Variants in SYN3 observed in about 807,000 individuals in gnomAD.
SYN3 encodes synapsin-3.
Under a neutral mutation model 65.8 loss-of-function variants are expected in SYN3, and 35 were observed. The ratio of observed to expected loss-of-function variants is 0.53; its 90% CI spans 0.41 to 0.70. SYN3 has a LOEUF of 0.70. Ranked by LOEUF, SYN3 falls within the 30% of genes least tolerant of loss-of-function variation. The pLI is 0.00. For missense variants in SYN3, 680 were observed against 749.0 expected (o/e 0.91, Z 1.08); for synonymous variants, 270 against 292.9 (o/e 0.92, Z 0.80).
At chr22:32,633,069 T>C (rs2059768000) in intron 6 of SYN3, among the ~76,000 whole-genome samples, 2 of 152,234 alleles carry the variant, frequency 1.3e-5, no homozygotes, top group South Asian at 4.1e-4. Context: ...ACTCTGAACC[T>C]TGGTTTCCTC....
At chr22:32,544,788 T>C (rs2058312539) in intron 7 of SYN3, among the ~76,000 whole-genome samples, 1 of 152,214 alleles carries the variant, frequency 6.6e-6, no homozygotes, top group Non-Finnish European at 1.5e-5. Context: ...CAGGGACGGC[T>C]TGTTTAACTC....
rs1008728263 is a variant in SYN3, at chr22:33,021,535, AGAAAGAAGAT to A, written c.-162-14721_-162-14712del. On this transcript the variant is annotated intron_variant, in intron 1 of 13. Transcript: ENST00000358763. Reference sequence around the variant, plus strand: ...GCCTGGCACATTTCTTAGATAACAAAGAAAGAAGATGAATTCCAGTGATTGAACTTCCTGT... The same window carrying A: ...GCCTGGCACATTTCTTAGATAACAAAGAATTCCAGTGATTGAACTTCCTGT... Among the ~76,000 whole-genome samples, 16 of 152,338 alleles carry A rather than the reference AGAAAGAAGAT, an allele frequency of 1.1e-4. No individual in the cohort carries two copies. In the East Asian group the frequency reaches 2.7e-3, roughly 26 times the overall value.
intron 6 of SYN3, among the ~76,000 whole-genome samples, chr22:32,827,886 C>T (rs748299149): frequency 1.3e-5 from 2 of 152,226 alleles, no homozygotes; most frequent in African/African-American, 2.4e-5. Flanking sequence ...CAGATACTCA[C>T]TGGCTGGCCC....
At chr22:32,908,115 G>A (rs137540) in intron 4 of SYN3, among the ~76,000 whole-genome samples, 110,581 of 151,160 alleles carry the variant, frequency 0.73, 41,049 homozygotes, top group Non-Finnish European at 0.8. Flanking sequence ...AGACAGAGTC[G>A]CACTCTGTCC....
At chr22:32,620,457 C>T (rs1168183588) in intron 6 of SYN3, among the ~76,000 whole-genome samples, 1 of 152,004 alleles carries the variant, frequency 6.6e-6, no homozygotes, top group Non-Finnish European at 1.5e-5. Context: ...GTAAATAAGA[C>T]ATATTTTCTT....
chr22:32,929,847 A>G (rs1234701597), intron 4 of SYN3, among the ~76,000 whole-genome samples: 2 of 152,126 alleles, frequency 1.3e-5, no homozygotes, highest in African/African-American at 2.4e-5. Context: ...TGGCTGATCT[A>G]GTGAATACTC....
chr22:32,962,256 C>G (rs751663686), intron 3 of SYN3, among the ~76,000 whole-genome samples: 2 of 151,414 alleles, frequency 1.3e-5, no homozygotes, highest in East Asian at 3.9e-4. Flanking sequence ...CTGCCTCAGC[C>G]TCCTGAGTAG....
At position 32,873,785 on chromosome 22, in the gene SYN3, G is replaced by T. The variant is rs111707896; in HGVS notation, c.462-4660C>A. Among the ~76,000 whole-genome samples, 843 of 152,256 alleles carry T rather than the reference G, an allele frequency of 5.5e-3. 1 individual carries two copies. Among genetic ancestry groups the T allele is most frequent in the Non-Finnish European group, 6.9e-3 (469 of 68,012 alleles). ...TGAAGAAATCCCATTTGTAGCAGAA[G>T]TACCAGCTGGGAAAAGAGATAAGGA... On this transcript the variant is annotated intron_variant, in intron 4 of 13. Coordinates refer to ENST00000358763, the MANE Select transcript of SYN3 (RefSeq NM_003490.4).
intron 6 of SYN3, among the ~76,000 whole-genome samples, chr22:32,614,100 C>A (rs2059482871): frequency 6.6e-6 from 1 of 152,212 alleles, no homozygotes; most frequent in Admixed American, 6.5e-5. Context: ...TTAACCGGCA[C>A]AAAGCACTCA....
chr22:32,519,245 C>T (rs567982614), intron 12 of SYN3: 75 of 151,950 alleles, frequency 4.9e-4, no homozygotes, highest in African/African-American at 1.7e-3. Context: ...GCTTATCCTA[C>T]GTTGAGTAAT....
At chr22:32,831,396 C>T (rs2047569313) in intron 6 of SYN3, among the ~76,000 whole-genome samples, 1 of 152,046 alleles carries the variant, frequency 6.6e-6, no homozygotes, top group South Asian at 2.1e-4. Context: ...TCTGAAGAGT[C>T]TACTTGTCTG....
intron 7 of SYN3, among the ~76,000 whole-genome samples, chr22:32,558,295 C>G (rs934783670): frequency 1.3e-5 from 2 of 152,152 alleles, no homozygotes; most frequent in Non-Finnish European, 2.9e-5. Flanking sequence ...GCTGAGAAGG[C>G]TTTGTGAAGG....
intron 12 of SYN3, among the ~76,000 whole-genome samples, chr22:32,522,652 AT>A (rs2057906021): frequency 6.6e-6 from 1 of 152,206 alleles, no homozygotes; most frequent in Admixed American, 6.5e-5. Flanking sequence ...AATAGTAAGC[AT>A]TATGTCATAG....
intron 7 of SYN3, among the ~76,000 whole-genome samples, chr22:32,585,471 A>T (rs78298720): frequency 0.048 from 7,364 of 152,296 alleles, 246 homozygotes; most frequent in Middle Eastern, 0.078. Flanking sequence ...GAGGAAAATC[A>T]TGAAATAAGG....
At chr22:33,036,969 G>A (rs759201770) in intron 1 of SYN3, among the ~76,000 whole-genome samples, 1 of 152,078 alleles carries the variant, frequency 6.6e-6, no homozygotes, top group Non-Finnish European at 1.5e-5. Context: ...GGGATTATAG[G>A]CGTGAGCCAT....
intron 6 of SYN3, among the ~76,000 whole-genome samples, chr22:32,856,679 C>T (rs2048377507): frequency 6.6e-6 from 1 of 152,142 alleles, no homozygotes; most frequent in South Asian, 2.1e-4. Context: ...TCTGAATTAT[C>T]CTCTACTAGC....
intron 4 of SYN3, among the ~76,000 whole-genome samples, chr22:32,869,742 G>A (rs2048799966): frequency 7.0e-6 from 1 of 143,550 alleles, no homozygotes; most frequent in South Asian, 2.3e-4. Flanking sequence ...AGCAGCAAGA[G>A]TAGGGATTTG....
At chr22:32,800,489 C>G (rs1164907669) in intron 6 of SYN3, among the ~76,000 whole-genome samples, 3 of 152,146 alleles carry the variant, frequency 2.0e-5, no homozygotes, top group Admixed American at 2.0e-4. Context: ...CTTTTCCTAC[C>G]CACAAAGATT....
chr22:32,887,416 T>G (rs1333884007), intron 4 of SYN3, among the ~76,000 whole-genome samples: 1 of 150,700 alleles, frequency 6.6e-6, no homozygotes, highest in Non-Finnish European at 1.5e-5. Flanking sequence ...AACTTCCCGC[T>G]GATAACCAGC....
Sources: allele counts gnomAD v4.1 joint callset (sites outside exome capture counted in the v4.1 genomes callset), GRCh38; gene constraint gnomAD v4.1.1; transcripts MANE v1.5; gene names NCBI Gene and HGNC (gene_info 2026-07-23, HGNC 2026-07-21).